GAD1: variants seen among roughly 807,000 people sequenced by gnomAD.
GAD1 encodes glutamate decarboxylase 1, also known as 67 kDa glutamic acid decarboxylase.
GAD1 carries 35 observed loss-of-function variants against 75.2 expected under a neutral mutation model. The observed-to-expected ratio is 0.47, with a 90% CI of 0.36 to 0.62. GAD1 has a LOEUF of 0.62. Among genes scored for constraint, GAD1 ranks in the 20% least tolerant of loss-of-function variants. The probability of loss-of-function intolerance (pLI) is 0.00; values close to 1 mark genes in which losing one functional copy is unlikely to be tolerated. For missense variants in GAD1, 490 were observed against 758.5 expected, an observed-to-expected ratio of 0.65 and a Z score of 4.16; for synonymous variants, 257 against 271.9, an observed-to-expected ratio of 0.95 and a Z score of 0.54.
At chr2:170,824,032 G>C (rs965879172) in intron 3 of GAD1, among the ~76,000 whole-genome samples, 3 of 152,026 alleles carry the variant, frequency 2.0e-5, no homozygotes, top group African/African-American at 7.2e-5. Context: ...GCTTCGCTGG[G>C]TCCGGAAATA....
chr2:170,857,197 G>C (rs954481145), intron 15 of GAD1, 72 bp downstream of exon 15: 10 of 1,186,024 alleles, frequency 8.4e-6, no homozygotes, highest in South Asian at 7.4e-5. Context: ...TGAAGCTTCT[G>C]GCAACATGGG....
At chr2:170,852,083 GC>G (rs1390491409) in intron 12 of GAD1, among the ~76,000 whole-genome samples, 1 of 152,112 alleles carries the variant, frequency 6.6e-6, no homozygotes, top group Non-Finnish European at 1.5e-5. Context: ...ACAAAAAAGG[GC>G]TGTGCACTTA....
rs567986891 is a variant in GAD1, at chr2:170,846,058, C to G, written c.997C>G (p.Gln333Glu). ...DFEAKILEAK[Q>E]KGYVPFYVNA... Reference sequence around the variant, plus strand: ...TGAGGCAAAAATTCTTGAAGCCAAACAGAAGGTATGTACTCCGTGGTGCAT... The same window carrying G: ...TGAGGCAAAAATTCTTGAAGCCAAAGAGAAGGTATGTACTCCGTGGTGCAT... The change falls in exon 10 of 17, where the codon CAG becomes GAG. Residue 333 changes from glutamine to glutamate, a missense_variant. By Grantham distance (29) the Gln-to-Glu change is conservative. Around this residue, in one of 3 missense-constraint regions of GAD1, gnomAD observed 324 missense variants for 523.9 expected, o/e 0.62. Transcript: ENST00000358196. 1 of 1,613,066 alleles carries G rather than the reference C, an allele frequency of 6.2e-7. No individual in the cohort carries two copies. The highest frequency in any genetic ancestry group is 2.2e-5 in the East Asian group (1 of 44,860).
intron 6 of GAD1, among the ~76,000 whole-genome samples, chr2:170,842,943 C>T (rs1253300965): frequency 1.3e-5 from 2 of 152,210 alleles, no homozygotes; most frequent in Non-Finnish European, 2.9e-5. Flanking sequence ...TAGTCTTCAA[C>T]ATTAGCACTT....
rs1190137335 is a variant in GAD1 at position 170,834,416 on chromosome 2, T to A, written c.548-2377T>A. ...GATCCGGGTATAGTCTGTGAAGAGA[T>A]GATGATGGCATTTAGAAATTTCTCT... On this transcript the variant is annotated intron_variant, in intron 5 of 16. Transcript: ENST00000358196. Among the ~76,000 whole-genome samples the A allele has an allele frequency of 2.0e-5, 3 of 152,070 alleles. No homozygotes were observed. In the East Asian group the frequency reaches 5.8e-4, roughly 29 times the overall value.
intron 5 of GAD1, among the ~76,000 whole-genome samples, chr2:170,831,451 C>A (rs1702220888): frequency 6.6e-6 from 1 of 151,820 alleles, no homozygotes; most frequent in African/African-American, 2.4e-5. Context: ...AGGTCAAGTT[C>A]TGTATAAAGA....
chr2:170,827,657 C>G (rs1702056788), intron 3 of GAD1, among the ~76,000 whole-genome samples: 1 of 152,194 alleles, frequency 6.6e-6, no homozygotes, highest in South Asian at 2.1e-4. Flanking sequence ...GGGCTCAGAT[C>G]CCTCCTGTCA....
chr2:170,836,931 G>A, intron 6 of GAD1, 48 bp downstream of exon 6: 1 of 1,329,854 alleles, frequency 7.5e-7, no homozygotes, highest in Non-Finnish European at 1.1e-6. Context: ...TATGACTATG[G>A]CTTGTTGCTT....
At chr2:170,817,793 G>C (rs1252522874) in intron 1 of GAD1, 1 of 152,438 alleles carries the variant, frequency 6.6e-6, no homozygotes, top group Non-Finnish European at 1.5e-5. Flanking sequence ...CGCTGAAACC[G>C]GACCGAAACC....
At chr2:170,822,194 G>T in intron 3 of GAD1, 45 bp downstream of exon 3, 1 of 1,552,302 alleles carries the variant, frequency 6.4e-7, no homozygotes, top group Non-Finnish European at 8.8e-7. Flanking sequence ...GGCGCGGCGG[G>T]CGGACCTTTG....
At chr2:170,828,831 T>C (rs577147479) in intron 3 of GAD1, 79 of 134,118 alleles carry the variant, frequency 5.9e-4, no homozygotes, top group African/African-American at 2.7e-3. Flanking sequence ...CGTCCTCACC[T>C]CTCCTCCCTC....
intron 12 of GAD1, among the ~76,000 whole-genome samples, chr2:170,850,922 G>C (rs1031537782): frequency 2.0e-5 from 3 of 152,022 alleles, no homozygotes; most frequent in African/African-American, 7.2e-5. Context: ...GCTGAGGCTG[G>C]AGAATCACTA....
chr2:170,819,078 A>G (rs540524917), intron 2 of GAD1, among the ~76,000 whole-genome samples: 1 of 152,320 alleles, frequency 6.6e-6, no homozygotes, highest in African/African-American at 2.4e-5. Context: ...CGTTGAGCCA[A>G]GATCTGACCT....
intron 12 of GAD1, among the ~76,000 whole-genome samples, chr2:170,850,222 T>G (rs1210962639): frequency 6.6e-6 from 1 of 152,236 alleles, no homozygotes; most frequent in Non-Finnish European, 1.5e-5. Context: ...CTCCTGAAGT[T>G]TACATTCCAG....
chr2:170,813,257 T>C (rs1701642567), upstream of GAD1: 1 of 152,230 alleles, frequency 6.6e-6, no homozygotes, highest in African/African-American at 2.4e-5. Flanking sequence ...TCTGTTGGGA[T>C]GGGGGTGTGG....
intron 2 of GAD1, among the ~76,000 whole-genome samples, chr2:170,820,077 A>T (rs1017212817): frequency 6.6e-6 from 1 of 151,964 alleles, no homozygotes; most frequent in African/African-American, 2.4e-5. Flanking sequence ...GGCGGGAGGA[A>T]CGCGAGGCCT....
At position 170,853,907 on chromosome 2, in the gene GAD1, G is replaced by A; in HGVS notation, c.1298G>A (p.Gly433Glu). 6.2e-7 allele frequency: 1 copy of A among 1,614,130 alleles called. No individual in the cohort carries two copies. The highest frequency in any genetic ancestry group is 1.3e-5 in the African/African-American group (1 of 75,036). The part of the protein sequence containing the change: ...ILQGCNQMCA[G>E]YLFQPDKQYD... Reference sequence around the variant, plus strand: ...CAAGGATGCAACCAGATGTGTGCAGGATACCTCTTCCAGCCAGACAAGCAG... The same window carrying A: ...CAAGGATGCAACCAGATGTGTGCAGAATACCTCTTCCAGCCAGACAAGCAG... Residue 433 changes from glycine (G) to glutamate (E), a missense_variant, in exon 14 of 17, where the codon GGA (glycine) becomes GAA (glutamate). Coordinates refer to ENST00000358196, the MANE Select transcript of GAD1 (RefSeq NM_000817.3). This position sits in a 1 kb window ranked among gnomAD's most constrained non-coding sequence, Gnocchi z 4.1.
At position 170,835,861 on chromosome 2, in the gene GAD1, T is replaced by C. The variant is rs1021996739; in HGVS notation, c.548-932T>C. 1.6e-4 allele frequency among the ~76,000 whole-genome samples: 25 copies of C among 152,214 alleles called. 1 individual carries two copies. Among genetic ancestry groups the C allele is most frequent in the Non-Finnish European group, 1.5e-5 (1 of 68,040 alleles). On this transcript the variant is annotated intron_variant, in intron 5 of 16. Transcript: ENST00000358196. ...GGAATCATTTAACTATCTAGGATAG[T>C]CCACATGAATATCTAGAATATGGCC...
At chr2:170,830,393 G>A (rs1035746502) in intron 4 of GAD1, among the ~76,000 whole-genome samples, 2 of 152,222 alleles carry the variant, frequency 1.3e-5, no homozygotes, top group Admixed American at 6.5e-5. Flanking sequence ...CAAAGTCCAG[G>A]CCCAAAAGGG....
Sources: gnomAD v4.1 joint callset for allele counts (sites outside exome capture counted in the v4.1 genomes callset) on GRCh38, gnomAD v4.1.1 for gene constraint, gnomAD v4.1.1 regional missense constraint, Gnocchi (gnomAD v3.1) non-coding constraint, MANE v1.5 for transcripts, NCBI Gene and HGNC (gene_info 2026-07-23, HGNC 2026-07-21) for gene names.